ACSBG1: variants seen among roughly 807,000 people sequenced by gnomAD.
ACSBG1 encodes long-chain-fatty-acid--CoA ligase ACSBG1.
Under a neutral mutation model 80.2 loss-of-function variants are expected in ACSBG1, and 39 were observed. The observed-to-expected ratio is 0.49, with a 90% CI of 0.38 to 0.64. ACSBG1 has a LOEUF of 0.64. Ranked by LOEUF, ACSBG1 falls within the 30% of genes least tolerant of loss-of-function variation. The probability of loss-of-function intolerance (pLI) is 0.00; values close to 1 mark genes in which losing one functional copy is unlikely to be tolerated. For synonymous variants in ACSBG1, 392 were observed against 379.5 expected (o/e 1.03, Z -0.38); for missense variants, 828 against 966.4 (o/e 0.86, Z 1.90).
intron 5 of ACSBG1, among the ~76,000 whole-genome samples, chr15:78,192,865 G>A (rs2075068673): frequency 6.6e-6 from 1 of 152,166 alleles, no homozygotes; most frequent in Admixed American, 6.5e-5. Flanking sequence ...GCCCTTGAAT[G>A]CCTTAAAGGC....
chr15:78,206,777 G>C (rs1446653514), intron 2 of ACSBG1, among the ~76,000 whole-genome samples: 1 of 152,222 alleles, frequency 6.6e-6, no homozygotes, highest in African/African-American at 2.4e-5. Context: ...CAGCCATTCA[G>C]ATGAAGCCAT....
chr15:78,212,457 A>G (rs1401980969), intron 1 of ACSBG1: 16 of 430,058 alleles, frequency 3.7e-5, no homozygotes, highest in Admixed American at 3.5e-4. Context: ...CCTAAACCCA[A>G]GTCTGGGGGT....
chr15:78,215,034 C>T (rs181149732), intron 1 of ACSBG1, among the ~76,000 whole-genome samples: 2 of 152,184 alleles, frequency 1.3e-5, no homozygotes, highest in East Asian at 3.9e-4. Context: ...CTGGGAGCCC[C>T]CCCATAGACC....
At chr15:78,207,365 G>C (rs1429844131) in intron 2 of ACSBG1, among the ~76,000 whole-genome samples, 3 of 152,098 alleles carry the variant, frequency 2.0e-5, no homozygotes. Flanking sequence ...TCTGTGCTGG[G>C]TATCTATTGT....
At chr15:78,215,485 C>T (rs574374263) in intron 1 of ACSBG1, among the ~76,000 whole-genome samples, 5 of 151,998 alleles carry the variant, frequency 3.3e-5, no homozygotes, top group African/African-American at 7.2e-5. Context: ...GGTGAAACCC[C>T]GTCTCTACTA....
intron 1 of ACSBG1, among the ~76,000 whole-genome samples, chr15:78,225,556 A>T (rs1302658633): frequency 6.6e-6 from 1 of 152,186 alleles, no homozygotes; most frequent in Non-Finnish European, 1.5e-5. Context: ...CATGGTTGAG[A>T]CAAATCAAAG....
intron 2 of ACSBG1, among the ~76,000 whole-genome samples, chr15:78,206,738 G>A (rs368183273): frequency 3.3e-5 from 5 of 152,194 alleles, no homozygotes; most frequent in Non-Finnish European, 5.9e-5. Context: ...CCCATGCTGC[G>A]TGTCTACTGC....
chr15:78,204,263 C>A (rs2075194316), intron 2 of ACSBG1, among the ~76,000 whole-genome samples: 1 of 152,210 alleles, frequency 6.6e-6, no homozygotes, highest in South Asian at 2.1e-4. Context: ...TTTAAAATTG[C>A]CTCTAGGATT....
Position 78,172,835 on chromosome 15 carries a change from T to C in ACSBG1, c.2089+758A>G, listed in dbSNP as rs2074839476. Reference sequence around the variant, plus strand: ...CAGCTGAGGCTGCACCAGAGCCCTCTCCTGGTTCTGTGGGCAGTGGTCCGG... The same window carrying C: ...CAGCTGAGGCTGCACCAGAGCCCTCCCCTGGTTCTGTGGGCAGTGGTCCGG... On this transcript the variant is annotated intron_variant, in intron 13 of 13. Transcript: ENST00000258873. The surrounding 1 kb of genome is among the most constrained non-coding windows in gnomAD (Gnocchi z 4.1). 6.6e-6 allele frequency among the ~76,000 whole-genome samples: 1 copy of C among 152,194 alleles called. No homozygotes were observed. Among genetic ancestry groups the C allele is most frequent in the South Asian group, 2.1e-4 (1 of 4,832 alleles).
intron 2 of ACSBG1, among the ~76,000 whole-genome samples, chr15:78,198,018 C>A (rs1422804471): frequency 6.6e-6 from 1 of 152,180 alleles, no homozygotes; most frequent in Non-Finnish European, 1.5e-5. Flanking sequence ...TTAACTTGAG[C>A]ATTTATAATC....
chr15:78,187,461 A>G (rs561049241), intron 5 of ACSBG1, among the ~76,000 whole-genome samples: 31 of 152,364 alleles, frequency 2.0e-4, no homozygotes. Context: ...CAGCACATCA[A>G]AAAGCTTATC....
intron 2 of ACSBG1, among the ~76,000 whole-genome samples, chr15:78,202,442 C>T (rs1206886698): frequency 2.0e-5 from 3 of 152,258 alleles, no homozygotes; most frequent in African/African-American, 7.2e-5. Context: ...ATCTCCTGAC[C>T]TCATGATCTG....
At chr15:78,195,160 C>T (rs1049399070) in intron 2 of ACSBG1, among the ~76,000 whole-genome samples, 7 of 152,158 alleles carry the variant, frequency 4.6e-5, no homozygotes, top group South Asian at 4.1e-4. Flanking sequence ...CCAAAGAGAA[C>T]GACCCTCCCG....
rs530336351 is a variant in ACSBG1, at chr15:78,228,394, G to A, written c.131+5977C>T. ...AGGTCAGAGTAGATTGATAATATGTGAATGTTGTAATACAGTGGGTTGGAC... is the reference window on the plus strand; with the variant it reads ...AGGTCAGAGTAGATTGATAATATGTAAATGTTGTAATACAGTGGGTTGGAC... On this transcript the variant is annotated intron_variant, in intron 1 of 13. Coordinates refer to ENST00000258873, the MANE Select transcript of ACSBG1 (RefSeq NM_015162.5). Among the ~76,000 whole-genome samples the A allele has an allele frequency of 2.6e-5, 4 of 152,312 alleles. No individual in the cohort carries two copies. In the South Asian group the frequency reaches 8.3e-4, roughly 32 times the overall value.
Position 78,170,382 on chromosome 15 carries a change from T to C in ACSBG1, c.*1062A>G, listed in dbSNP as rs1029680585. On this transcript the variant is annotated 3_prime_UTR_variant, in exon 14 of 14. Transcript: ENST00000258873. ...GGGATTTTTTTTTTTTTAGCAATGA[T>C]ATCCCTGTCTGGGTCACTTTTTAAG... The C allele has an allele frequency of 6.6e-6, 1 of 151,918 alleles. No individual in the cohort carries two copies. Among genetic ancestry groups the C allele is most frequent in the African/African-American group, 2.4e-5 (1 of 41,364 alleles). The allele number at this position is 151,918 out of a possible 1,614,324, so 9.4% of individuals were successfully genotyped here.
At chr15:78,230,664 G>A (rs1034349955) in intron 1 of ACSBG1, among the ~76,000 whole-genome samples, 9 of 152,176 alleles carry the variant, frequency 5.9e-5, no homozygotes, top group African/African-American at 9.7e-5. Flanking sequence ...TGCTGTTCTC[G>A]TTACAGTAAG....
rs2074859632 is a variant in ACSBG1 at position 78,174,356 on chromosome 15, C to G, written c.1842+29G>C. 6 of 1,613,938 alleles carry G rather than the reference C, an allele frequency of 3.7e-6. No individual in the cohort carries two copies. In the East Asian group the frequency reaches 1.3e-4, roughly 36 times the overall value. ...CCCACAGACCCCCTCACTGGCTGCT[C>G]CTTCTGAGCTGGAGCCCCCCAGACA... On this transcript the variant is annotated intron_variant, in intron 12 of 13. Coordinates refer to ENST00000258873, the MANE Select transcript of ACSBG1 (RefSeq NM_015162.5).
At chr15:78,185,711 C>A (rs540121864) in intron 5 of ACSBG1, among the ~76,000 whole-genome samples, 11 of 151,824 alleles carry the variant, frequency 7.2e-5, no homozygotes, top group Non-Finnish European at 1.5e-4. Flanking sequence ...ACAACATAAC[C>A]AAATTGCTGA....
At chr15:78,181,251 A>C (rs551775428) in intron 8 of ACSBG1, among the ~76,000 whole-genome samples, 1 of 152,168 alleles carries the variant, frequency 6.6e-6, no homozygotes, top group Non-Finnish European at 1.5e-5. Flanking sequence ...TGGTTTGAGA[A>C]CAGACAGGTG....
Sources: allele counts gnomAD v4.1 joint callset (sites outside exome capture counted in the v4.1 genomes callset), GRCh38; gene constraint gnomAD v4.1.1; non-coding constraint Gnocchi (gnomAD v3.1); transcripts MANE v1.5; gene names NCBI Gene and HGNC (gene_info 2026-07-23, HGNC 2026-07-21).